TAFA1: variants seen among roughly 807,000 people sequenced by gnomAD.
TAFA1 encodes chemokine-like protein TAFA-1.
Under a neutral mutation model 18.5 loss-of-function variants are expected in TAFA1, and 4 were observed. The ratio of observed to expected loss-of-function variants is 0.22; its 90% CI spans 0.11 to 0.49. The LOEUF is 0.49. Among genes scored for constraint, TAFA1 ranks in the 20% least tolerant of loss-of-function variants. The pLI is 0.98. For synonymous variants in TAFA1, 56 were observed against 55.2 expected (o/e 1.01, Z -0.06); for missense variants, 147 against 169.0 (o/e 0.87, Z 0.72).
At chr3:68,325,886 G>T (rs1055017015) in intron 2 of TAFA1, among the ~76,000 whole-genome samples, 1 of 152,118 alleles carries the variant, frequency 6.6e-6, no homozygotes, top group Non-Finnish European at 1.5e-5. Context: ...GCCCAATGAC[G>T]TGTATCTTGC....
chr3:68,539,703 G>GGTGT (rs2073341232), intron 4 of TAFA1, among the ~76,000 whole-genome samples: 8 of 54,640 alleles, frequency 1.5e-4, no homozygotes, highest in African/African-American at 1.8e-4. Context: ...TGGGTGGGTG[G>GGTGT]GTGTGTGCAT....
At chr3:68,446,562 T>G (rs775012938) in intron 3 of TAFA1, among the ~76,000 whole-genome samples, 1 of 152,140 alleles carries the variant, frequency 6.6e-6, no homozygotes, top group Admixed American at 6.6e-5. Context: ...ATAATAAAAA[T>G]TAAAGGTAAT....
intron 2 of TAFA1, among the ~76,000 whole-genome samples, chr3:68,210,511 C>T (rs2066582957): frequency 6.6e-6 from 1 of 152,012 alleles, no homozygotes; most frequent in East Asian, 1.9e-4. Context: ...TCTCAAAGTT[C>T]CAATGTTTAC....
At chr3:68,132,859 G>T (rs1036778967) in intron 2 of TAFA1, among the ~76,000 whole-genome samples, 2 of 86,588 alleles carry the variant, frequency 2.3e-5, no homozygotes, top group African/African-American at 6.4e-5. Context: ...TTATTTTGCT[G>T]TGCAAAGCTC....
chr3:68,102,337 C>T (rs2065157493), intron 2 of TAFA1, among the ~76,000 whole-genome samples: 1 of 152,136 alleles, frequency 6.6e-6, no homozygotes, highest in African/African-American at 2.4e-5. Flanking sequence ...TACTTTTTTA[C>T]TACCATTTAA....
rs190103527 is a variant in TAFA1, at chr3:68,034,866, A to T, written c.118+28122A>T. 5.3e-5 allele frequency among the ~76,000 whole-genome samples: 8 copies of T among 152,324 alleles called. No individual in the cohort carries two copies. In the East Asian group the frequency reaches 1.4e-3, roughly 26 times the overall value. ...GAAAGGGGAAATTTTAAAATTTCACATTCCAAACCAGATATATTATCTATT... is the reference window on the plus strand; with the variant it reads ...GAAAGGGGAAATTTTAAAATTTCACTTTCCAAACCAGATATATTATCTATT... On this transcript the variant is annotated intron_variant, in intron 2 of 4. Transcript: ENST00000478136.
intron 2 of TAFA1, among the ~76,000 whole-genome samples, chr3:68,159,447 A>G (rs1368019204): frequency 6.6e-6 from 1 of 152,242 alleles, no homozygotes; most frequent in Non-Finnish European, 1.5e-5. Flanking sequence ...TTAAGAAATT[A>G]TTAGCAACAC....
intron 2 of TAFA1, among the ~76,000 whole-genome samples, chr3:68,007,957 C>T (rs758849803): frequency 6.6e-6 from 1 of 152,246 alleles, no homozygotes; most frequent in East Asian, 1.9e-4. Flanking sequence ...CCAGGGTCCT[C>T]CCGCGCGCCT....
chr3:68,133,976 T>C (rs1044261266), intron 2 of TAFA1, among the ~76,000 whole-genome samples: 2 of 150,598 alleles, frequency 1.3e-5, no homozygotes, highest in African/African-American at 4.9e-5. Flanking sequence ...GTCATAATGG[T>C]CAGGACTGGA....
At chr3:68,134,847 T>G (rs988053165) in intron 2 of TAFA1, among the ~76,000 whole-genome samples, 1 of 152,182 alleles carries the variant, frequency 6.6e-6, no homozygotes, top group Non-Finnish European at 1.5e-5. Flanking sequence ...ATTCAAACAA[T>G]ATGTAAGTTT....
chr3:68,006,255 CAGG>C (rs1704354650), intron 1 of TAFA1: 1 of 175,980 alleles, frequency 5.7e-6, no homozygotes, highest in Admixed American at 5.7e-5. Context: ...TTAGAATGAA[CAGG>C]AGGAGTCTGC....
intron 2 of TAFA1, among the ~76,000 whole-genome samples, chr3:68,278,211 A>G (rs1299324942): frequency 2.0e-5 from 3 of 152,174 alleles, no homozygotes. Flanking sequence ...GACAATGGAT[A>G]TTATCAGTCT....
chr3:68,530,830 C>T (rs2073178040), intron 3 of TAFA1, among the ~76,000 whole-genome samples: 1 of 151,914 alleles, frequency 6.6e-6, no homozygotes, highest in African/African-American at 2.4e-5. Flanking sequence ...CTTAATTTTA[C>T]AAGAATCTAA....
At chr3:68,295,355 A>G (rs1276597417) in intron 2 of TAFA1, among the ~76,000 whole-genome samples, 2 of 152,026 alleles carry the variant, frequency 1.3e-5, no homozygotes, top group Non-Finnish European at 2.9e-5. Context: ...TCTTTTTCAT[A>G]CTTTGTTAGG....
chr3:68,123,799 T>A (rs370068111), intron 2 of TAFA1, among the ~76,000 whole-genome samples: 32 of 148,824 alleles, frequency 2.2e-4, no homozygotes, highest in African/African-American at 7.8e-4. Flanking sequence ...ATAAGCCACT[T>A]TTGCTTTCTG....
At chr3:68,495,712 G>A (rs2072533629) in intron 3 of TAFA1, among the ~76,000 whole-genome samples, 1 of 152,060 alleles carries the variant, frequency 6.6e-6, no homozygotes, top group African/African-American at 2.4e-5. Flanking sequence ...CTGCAGGCAT[G>A]GCCCGAGGAC....
intron 2 of TAFA1, among the ~76,000 whole-genome samples, chr3:68,113,816 G>T (rs2065290190): frequency 6.6e-6 from 1 of 150,556 alleles, no homozygotes; most frequent in Admixed American, 6.6e-5. Context: ...CTCATCAAAA[G>T]GTAGAGTCTT....
At chr3:68,440,834 C>T (rs2071361673) in intron 3 of TAFA1, among the ~76,000 whole-genome samples, 1 of 152,140 alleles carries the variant, frequency 6.6e-6, no homozygotes, top group Non-Finnish European at 1.5e-5. Context: ...GTCACCGCAG[C>T]CAACACTGTA....
rs117346592 is a variant in TAFA1 at position 68,371,268 on chromosome 3, G to C, written c.119-46012G>C. Among the ~76,000 whole-genome samples, 1,407 of 152,044 alleles carry C rather than the reference G, an allele frequency of 9.3e-3. 63 individuals are homozygous for C. In the East Asian group the frequency reaches 0.13, roughly 14 times the overall value. On this transcript the variant is annotated intron_variant, in intron 2 of 4. Transcript: ENST00000478136. ...ATACATGTGCAGAACGTGAAGGTTT[G>C]TTACATAAATATACATGTGTCGTGG... is the stretch of plus-strand genomic sequence containing the variant.
Sources: allele counts gnomAD v4.1 joint callset (sites outside exome capture counted in the v4.1 genomes callset), GRCh38; gene constraint gnomAD v4.1.1; transcripts MANE v1.5; gene names NCBI Gene and HGNC (gene_info 2026-07-23, HGNC 2026-07-21).